The following SLIT2 variants were observed in gnomAD, a reference collection of about 807,000 sequenced individuals.
The protein encoded by SLIT2 is slit guidance ligand 2, also known as slit homolog 2 protein.
SLIT2 carries 41 observed loss-of-function variants against 185.7 expected under a neutral mutation model. The observed-to-expected ratio is 0.22, with a 90% CI of 0.17 to 0.29. The LOEUF (loss-of-function observed/expected upper bound fraction) is 0.29. SLIT2 is among the 10% of genes least tolerant of loss of function. SLIT2 has a pLI of 1.00. For missense variants in SLIT2, 1,571 were observed against 1,909.0 expected (o/e 0.82, Z 3.30); for synonymous variants, 693 against 680.2 (o/e 1.02, Z -0.29).
At chr4:20,549,289 T>A (rs1723526641) in intron 24 of SLIT2, among the ~76,000 whole-genome samples, 161 bp downstream of exon 24, 1 of 152,148 alleles carries the variant, frequency 6.6e-6, no homozygotes. Flanking sequence ...TCTTACAGTA[T>A]CATTGTCCAA....
intron 4 of SLIT2, among the ~76,000 whole-genome samples, chr4:20,428,697 T>A (rs2109491540): frequency 6.6e-6 from 1 of 152,312 alleles, no homozygotes; most frequent in South Asian, 2.1e-4. Flanking sequence ...ACAGCTAGAC[T>A]TTCCACTGGG....
chr4:20,276,642 C>G (rs1200521015), intron 4 of SLIT2, among the ~76,000 whole-genome samples: 1 of 151,968 alleles, frequency 6.6e-6, no homozygotes, highest in Non-Finnish European at 1.5e-5. Context: ...AATCTGGAAA[C>G]AGAATTGGAA....
At chr4:20,289,056 A>G (rs1478288234) in intron 4 of SLIT2, among the ~76,000 whole-genome samples, 1 of 152,200 alleles carries the variant, frequency 6.6e-6, no homozygotes, top group Non-Finnish European at 1.5e-5. Context: ...GTGTAAGTGA[A>G]TCAGGTCAGG....
chr4:20,356,787 G>A (rs571503479), intron 4 of SLIT2, among the ~76,000 whole-genome samples: 11 of 152,078 alleles, frequency 7.2e-5, no homozygotes, highest in African/African-American at 2.4e-4. Flanking sequence ...GCCTGGAAAC[G>A]CTCCTTCTTC....
At chr4:20,549,438 A>G (rs1036560762) in intron 24 of SLIT2, among the ~76,000 whole-genome samples, 1 of 152,126 alleles carries the variant, frequency 6.6e-6, no homozygotes, top group South Asian at 2.1e-4. Flanking sequence ...CAAAATTGAG[A>G]AACTTTCAAA....
Position 20,373,776 on chromosome 4 carries a change from A to G in SLIT2, c.396-93976A>G, listed in dbSNP as rs370820288. Among the ~76,000 whole-genome samples the G allele has an allele frequency of 4.6e-5, 7 of 152,100 alleles. No homozygotes were observed. In the East Asian group the frequency reaches 9.6e-4, roughly 21 times the overall value. ...TAGAATCTACTGGTAGAAACATACAATTCAAGAGCAATGATAATACTCTGT... is the reference window on the plus strand; with the variant it reads ...TAGAATCTACTGGTAGAAACATACAGTTCAAGAGCAATGATAATACTCTGT... On this transcript the variant is annotated intron_variant, in intron 4 of 36. Transcript: ENST00000504154.
chr4:20,515,593 G>A (rs1400346175), intron 11 of SLIT2, among the ~76,000 whole-genome samples: 1 of 152,046 alleles, frequency 6.6e-6, no homozygotes, highest in African/African-American at 2.4e-5. Flanking sequence ...AAATTAAAAG[G>A]TAGCACCTCT....
intron 4 of SLIT2, among the ~76,000 whole-genome samples, chr4:20,424,630 G>T (rs964834407): frequency 6.6e-6 from 1 of 152,066 alleles, no homozygotes; most frequent in Non-Finnish European, 1.5e-5. Context: ...CTATTTTCTA[G>T]TTGAAATTGT....
At chr4:20,397,082 G>A (rs952642279) in intron 4 of SLIT2, among the ~76,000 whole-genome samples, 78 of 151,520 alleles carry the variant, frequency 5.1e-4, no homozygotes, top group African/African-American at 1.8e-3. Flanking sequence ...CTTGATGTAT[G>A]CATGAAGTGA....
At chr4:20,385,453 G>A (rs1724862314) in intron 4 of SLIT2, among the ~76,000 whole-genome samples, 1 of 152,106 alleles carries the variant, frequency 6.6e-6, no homozygotes, top group African/African-American at 2.4e-5. Flanking sequence ...TATCAGTGAT[G>A]TCCTCAAAAG....
chr4:20,403,839 T>A (rs1726542015), intron 4 of SLIT2, among the ~76,000 whole-genome samples: 1 of 151,372 alleles, frequency 6.6e-6, no homozygotes. Flanking sequence ...TTCTGTTTTA[T>A]AATTGTTATT....
At chr4:20,502,656 C>T (rs1231133770) in intron 9 of SLIT2, among the ~76,000 whole-genome samples, 1 of 152,036 alleles carries the variant, frequency 6.6e-6, no homozygotes, top group Non-Finnish European at 1.5e-5. Flanking sequence ...GCTGCATGTG[C>T]AGAGTCCCAG....
chr4:20,300,357 A>T (rs1390738356), intron 4 of SLIT2, among the ~76,000 whole-genome samples: 3 of 152,126 alleles, frequency 2.0e-5, no homozygotes, highest in Non-Finnish European at 4.4e-5. Flanking sequence ...ATATCTTATC[A>T]AAAGACATTC....
intron 4 of SLIT2, among the ~76,000 whole-genome samples, chr4:20,345,888 G>A (rs1721371334): frequency 1.3e-5 from 2 of 152,026 alleles, no homozygotes; most frequent in South Asian, 4.1e-4. Flanking sequence ...TATCTTCATG[G>A]AGCCAGTTTC....
intron 4 of SLIT2, among the ~76,000 whole-genome samples, chr4:20,396,477 T>C (rs924580679): frequency 2.0e-5 from 3 of 151,876 alleles, no homozygotes; most frequent in African/African-American, 7.2e-5. Flanking sequence ...TGCTTGGTTG[T>C]TTTCATATAC....
chr4:20,282,654 A>G (rs924000349), intron 4 of SLIT2, among the ~76,000 whole-genome samples: 1 of 152,230 alleles, frequency 6.6e-6, no homozygotes. Flanking sequence ...TACAGTGTAC[A>G]CTTGTGTGTT....
chr4:20,296,638 C>T (rs757616772), intron 4 of SLIT2, among the ~76,000 whole-genome samples: 9 of 152,106 alleles, frequency 5.9e-5, no homozygotes, highest in African/African-American at 1.9e-4. Flanking sequence ...AAATGCTTGG[C>T]GTCATGGATG....
intron 4 of SLIT2, among the ~76,000 whole-genome samples, chr4:20,461,917 T>G (rs540186179): frequency 1.3e-5 from 2 of 152,144 alleles, no homozygotes; most frequent in African/African-American, 4.8e-5. Flanking sequence ...CAGTCATCCA[T>G]GAAGAGTGTT....
At chr4:20,418,138 ACT>A (rs1158606316) in intron 4 of SLIT2, among the ~76,000 whole-genome samples, 5 of 152,132 alleles carry the variant, frequency 3.3e-5, no homozygotes, top group African/African-American at 1.2e-4. Flanking sequence ...GGAATGGATG[ACT>A]CTGTACATAG....
Sources: allele counts gnomAD v4.1 joint callset (sites outside exome capture counted in the v4.1 genomes callset), GRCh38; gene constraint gnomAD v4.1.1; transcripts MANE v1.5; gene names NCBI Gene and HGNC (gene_info 2026-07-23, HGNC 2026-07-21).